The following ASIC2 variants were observed in gnomAD, a reference collection of about 807,000 sequenced individuals.
ASIC2 encodes the protein acid-sensing ion channel 2.
In ASIC2, 25 loss-of-function variants were observed where a neutral mutation model predicts 57.3. The ratio of observed to expected loss-of-function variants is 0.44; its 90% CI spans 0.32 to 0.61. The LOEUF (loss-of-function observed/expected upper bound fraction) is 0.61. ASIC2 is among the 20% of genes least tolerant of loss of function. The probability of loss-of-function intolerance (pLI) is 0.06; values close to 1 mark genes in which losing one functional copy is unlikely to be tolerated. For missense variants in ASIC2, 641 were observed against 738.1 expected (o/e 0.87, Z 1.52); for synonymous variants, 319 against 307.5 (o/e 1.04, Z -0.39).
At chr17:33,277,993 G>C (rs917848720) in intron 1 of ASIC2, among the ~76,000 whole-genome samples, 2 of 152,152 alleles carry the variant, frequency 1.3e-5, no homozygotes, top group Non-Finnish European at 2.9e-5. Context: ...GTTTTCCAGT[G>C]TGGGAAGGAA....
At chr17:34,021,726 A>G (rs1057026999) in intron 1 of ASIC2, among the ~76,000 whole-genome samples, 2 of 152,166 alleles carry the variant, frequency 1.3e-5, no homozygotes, top group Admixed American at 6.5e-5. Flanking sequence ...TAGGTCACAT[A>G]GGGACATCTT....
At chr17:33,180,395 G>A (rs1370837573) in intron 1 of ASIC2, among the ~76,000 whole-genome samples, 6 of 152,204 alleles carry the variant, frequency 3.9e-5, no homozygotes, top group African/African-American at 1.4e-4. Flanking sequence ...GGAAGCAGGA[G>A]GAGCGCCTTG....
At chr17:33,693,537 T>C (rs1422832223) in intron 1 of ASIC2, among the ~76,000 whole-genome samples, 1 of 152,158 alleles carries the variant, frequency 6.6e-6, no homozygotes, top group Non-Finnish European at 1.5e-5. Flanking sequence ...ATACTAGGTA[T>C]GTAGTCAGGG....
intron 3 of ASIC2, among the ~76,000 whole-genome samples, chr17:33,057,455 C>T (rs999992789): frequency 6.6e-6 from 1 of 152,192 alleles, no homozygotes; most frequent in Non-Finnish European, 1.5e-5. Context: ...TGTCATTTTC[C>T]TAACTGTCCA....
rs547085373 is a variant in ASIC2, at chr17:33,442,705, T to C, written c.556-330638A>G. On this transcript the variant is annotated intron_variant, in intron 1 of 9. Coordinates refer to the ASIC2 transcript ENST00000359872. The stretch of plus-strand genomic sequence containing the variant: ...TAGATTCCACAGGCTTTCTAAAGGA[T>C]CATGTTTTCTGAGAATAAAGACAGT... Among the ~76,000 whole-genome samples, 6 of 152,268 alleles carry C rather than the reference T, an allele frequency of 3.9e-5. No individual in the cohort carries two copies. In the South Asian group the frequency reaches 1.2e-3, roughly 32 times the overall value.
Position 33,491,652 on chromosome 17 carries a change from G to T in ASIC2, c.556-379585C>A, listed in dbSNP as rs576158315. ...GGAAGAAGCCTAATCATTCTGGGAG[G>T]CCAGGCCCCTGTGTTAGAAGCTGTT... On this transcript the variant is annotated intron_variant, in intron 1 of 9. Coordinates refer to the ASIC2 transcript ENST00000359872. Among the ~76,000 whole-genome samples the T allele has an allele frequency of 1.0e-3, 155 of 152,262 alleles. 2 individuals are homozygous for T. In the South Asian group the frequency reaches 0.011, roughly 11 times the overall value.
At chr17:33,853,152 T>C (rs1277618925) in intron 1 of ASIC2, among the ~76,000 whole-genome samples, 4 of 152,234 alleles carry the variant, frequency 2.6e-5, no homozygotes, top group African/African-American at 9.6e-5. Flanking sequence ...AGGTGATGAT[T>C]GAGCAGAGAT....
At chr17:34,006,311 T>C (rs1180432875) in intron 1 of ASIC2, 1 of 152,338 alleles carries the variant, frequency 6.6e-6, no homozygotes, top group Admixed American at 6.5e-5. Flanking sequence ...GAGTCTGGCA[T>C]GCATGAACGA....
At position 33,025,998 on chromosome 17, in the gene ASIC2, AC is replaced by A; in HGVS notation, c.1139-17del. 6.2e-7 allele frequency: 1 copy of A among 1,613,212 alleles called. No individual in the cohort carries two copies. The highest frequency in any genetic ancestry group is 8.5e-7 in the Non-Finnish European group (1 of 1,179,536). On this transcript the variant is annotated splice_polypyrimidine_tract_variant and intron_variant, in intron 4 of 9. Coordinates refer to ENST00000225823, the MANE Select transcript of ASIC2 (RefSeq NM_183377.2). ...GGGGCATCCCCTGCAAAGAAGAAACACCAGACAGAGTTACTCAGGCAGGAAC... is the reference window on the plus strand; with the variant it reads ...GGGGCATCCCCTGCAAAGAAGAAACACAGACAGAGTTACTCAGGCAGGAAC...
intron 1 of ASIC2, among the ~76,000 whole-genome samples, chr17:33,684,328 G>A (rs953979655): frequency 2.0e-5 from 3 of 151,486 alleles, no homozygotes; most frequent in Non-Finnish European, 4.4e-5. Context: ...GGGGTGGGGA[G>A]GGGGGTGCTC....
intron 8 of ASIC2, 48 bp from the exon 9 acceptor site, chr17:33,016,087 G>C: frequency 8.8e-6 from 14 of 1,593,200 alleles, no homozygotes; most frequent in Non-Finnish European, 1.2e-5. Flanking sequence ...AGAGGGTGCA[G>C]AGGCAGAAGG....
chr17:33,159,315 C>T (rs1280138409), intron 1 of ASIC2, among the ~76,000 whole-genome samples: 5 of 152,048 alleles, frequency 3.3e-5, no homozygotes, highest in African/African-American at 7.2e-5. Context: ...TCCCCAAAAT[C>T]GTCTGCCTGT....
chr17:34,039,077 A>G (rs1907999565), intron 1 of ASIC2: 3 of 1,614,108 alleles, frequency 1.9e-6, no homozygotes, highest in Non-Finnish European at 2.5e-6. Context: ...ATTGTCACAC[A>G]TCTATTTAAT....
chr17:33,444,889 T>C (rs956788911), intron 1 of ASIC2, among the ~76,000 whole-genome samples: 1 of 152,160 alleles, frequency 6.6e-6, no homozygotes, highest in South Asian at 2.1e-4. Flanking sequence ...CAAATCCAGC[T>C]CATCACTTGC....
chr17:33,307,643 C>T (rs1162218394), intron 1 of ASIC2, among the ~76,000 whole-genome samples: 3 of 152,180 alleles, frequency 2.0e-5, no homozygotes, highest in African/African-American at 7.2e-5. Context: ...GCTCAACATT[C>T]CCCTTCTCTA....
At chr17:33,244,489 A>C (rs1272298533) in intron 1 of ASIC2, among the ~76,000 whole-genome samples, 1 of 152,226 alleles carries the variant, frequency 6.6e-6, no homozygotes, top group Non-Finnish European at 1.5e-5. Context: ...CATTAGATAT[A>C]ACTTTCATGA....
At chr17:33,288,759 C>CACAA in intron 1 of ASIC2, among the ~76,000 whole-genome samples, 1 of 145,542 alleles carries the variant, frequency 6.9e-6, no homozygotes, top group African/African-American at 2.6e-5. Flanking sequence ...CACACACACA[C>CACAA]AACTAATATG....
At chr17:33,457,629 C>G (rs1912496162) in intron 1 of ASIC2, among the ~76,000 whole-genome samples, 1 of 152,048 alleles carries the variant, frequency 6.6e-6, no homozygotes, top group South Asian at 2.1e-4. Context: ...ACTAATGATG[C>G]TGCTGCTGCT....
chr17:33,874,890 C>G (rs574134259), intron 1 of ASIC2, among the ~76,000 whole-genome samples: 1 of 152,360 alleles, frequency 6.6e-6, no homozygotes, highest in African/African-American at 2.4e-5. Context: ...GGGGACCACA[C>G]CTATGACCAG....
Sources: gnomAD v4.1 joint callset for allele counts (sites outside exome capture counted in the v4.1 genomes callset) on GRCh38, gnomAD v4.1.1 for gene constraint, MANE v1.5 for transcripts, NCBI Gene and HGNC (gene_info 2026-07-23, HGNC 2026-07-21) for gene names.